PM20D2: variants seen among roughly 807,000 people sequenced by gnomAD.
PM20D2 encodes the protein xaa-Arg dipeptidase.
Under a neutral mutation model 42.9 loss-of-function variants are expected in PM20D2, and 33 were observed. That is an observed-to-expected ratio of 0.77 (90% CI 0.58 to 1.03). The LOEUF (loss-of-function observed/expected upper bound fraction) is 1.03. Among genes scored for constraint, PM20D2 ranks in the 50% least tolerant of loss-of-function variants. The probability of loss-of-function intolerance (pLI) is 0.00; values close to 1 mark genes in which losing one functional copy is unlikely to be tolerated. For synonymous variants in PM20D2, 250 were observed against 228.2 expected, an observed-to-expected ratio of 1.10 and a Z score of -0.86; for missense variants, 548 against 557.0, an observed-to-expected ratio of 0.98 and a Z score of 0.16.
the PM20D2 span, among the ~76,000 whole-genome samples, chr6:89,116,196 C>T: frequency 1.3e-5 from 2 of 152,188 alleles, no homozygotes; most frequent in Non-Finnish European, 2.9e-5. Flanking sequence ...CAGCTTCACT[C>T]GTTTATATTA....
chr6:89,104,986 G>T, the PM20D2 span: 3 of 850,568 alleles, frequency 3.5e-6, no homozygotes, highest in Non-Finnish European at 5.0e-6. Context: ...AGTCTAGGAG[G>T]TCAAGTCTAC....
the PM20D2 span, chr6:89,098,705 A>G: frequency 1.9e-6 from 3 of 1,613,984 alleles, no homozygotes; most frequent in Non-Finnish European, 2.5e-6. Context: ...GGATCTTGCT[A>G]TTGAGTCAGA....
At position 89,162,190 on chromosome 6, in the gene PM20D2, A is replaced by G. The variant is rs762329062; in HGVS notation, c.1238A>G (p.Glu413Gly). 6.2e-7 allele frequency: 1 copy of G among 1,614,104 alleles called. No individual in the cohort carries two copies. Residue 413 changes from glutamate (E) to glycine (G), a missense_variant, in exon 7 of 7, where the codon GAG becomes GGG. Glu to Gly is a moderately conservative substitution (Grantham distance 98, BLOSUM62 -2). This residue lies in a region of PM20D2 where 71 missense variants were observed against 69.7 expected (regional missense o/e 1.02). Transcript: ENST00000275072. Reference sequence around the variant, plus strand: ...GCACTGGATGTTATTTTTAAACCAGAGTTACTGGAAGGAATCAGAGAGGAC... The same window carrying G: ...GCACTGGATGTTATTTTTAAACCAGGGTTACTGGAAGGAATCAGAGAGGAC... ...MTALDVIFKPELLEGIREDFK... is the reference protein window; with the variant it reads ...MTALDVIFKPGLLEGIREDFK...
At chr6:89,143,098 C>CT (rs1212416161), upstream of PM20D2, among the ~76,000 whole-genome samples, 2 of 152,028 alleles carry the variant, frequency 1.3e-5, no homozygotes, top group Admixed American at 6.6e-5. Flanking sequence ...TTTTCAAAAA[C>CT]TTTTTTTTCT....
chr6:89,103,199 C>G, the PM20D2 span, among the ~76,000 whole-genome samples: 2 of 152,124 alleles, frequency 1.3e-5, no homozygotes, highest in African/African-American at 2.4e-5. Flanking sequence ...TGATTTGAGA[C>G]AGTCAAGTAT....
chr6:89,150,952 G>A (rs1459579466), intron 2 of PM20D2, among the ~76,000 whole-genome samples: 5 of 151,392 alleles, frequency 3.3e-5, no homozygotes, highest in African/African-American at 7.3e-5. Context: ...TTAGGAGTTC[G>A]AGACCAGCCT....
chr6:89,124,467 A>AT, the PM20D2 span, among the ~76,000 whole-genome samples: 1 of 152,194 alleles, frequency 6.6e-6, no homozygotes, highest in Non-Finnish European at 1.5e-5. Flanking sequence ...ACATAAAGGT[A>AT]TTTCGGAGTA....
At chr6:89,119,422 G>C in the PM20D2 span, among the ~76,000 whole-genome samples, 1 of 152,216 alleles carries the variant, frequency 6.6e-6, no homozygotes, top group Admixed American at 6.5e-5. Context: ...CAGTGGAACA[G>C]CACGTGCAAA....
the PM20D2 span, among the ~76,000 whole-genome samples, chr6:89,103,991 C>CTTTTTTTTTTTTT: frequency 2.4e-5 from 2 of 81,964 alleles, no homozygotes; most frequent in African/African-American, 9.3e-5. Flanking sequence ...TATTATATTT[C>CTTTTTTTTTTTTT]TTTTTTTTTT....
upstream of PM20D2, among the ~76,000 whole-genome samples, chr6:89,144,720 C>T (rs1770462529): frequency 6.6e-6 from 1 of 152,242 alleles, no homozygotes; most frequent in African/African-American, 2.4e-5. Flanking sequence ...CCAATCCCCC[C>T]TTCTCCCCTT....
At chr6:89,128,777 T>C in the PM20D2 span, among the ~76,000 whole-genome samples, 781 of 152,276 alleles carry the variant, frequency 5.1e-3, 8 homozygotes, top group African/African-American at 0.018. Flanking sequence ...ACTTTCTCTT[T>C]ATTTCTCAGC....
chr6:89,153,839 T>C (rs1554186895), intron 3 of PM20D2, among the ~76,000 whole-genome samples: 1 of 152,154 alleles, frequency 6.6e-6, no homozygotes, highest in Non-Finnish European at 1.5e-5. Flanking sequence ...TGGCCTTAAG[T>C]GATCTGCCCA....
Position 89,162,468 on chromosome 6 carries a change from A to C in PM20D2, c.*205A>C, listed in dbSNP as rs1771278894. On this transcript the variant is annotated 3_prime_UTR_variant, in exon 7 of 7. Transcript: ENST00000275072. The stretch of plus-strand genomic sequence containing the variant: ...CAAATCCGTACTTGATAGGATTATG[A>C]TATTACAGGAGCTGGTATGTGATGC... 4.5e-6 allele frequency: 2 copies of C among 448,014 alleles called. No individual in the cohort carries two copies. The highest frequency in any genetic ancestry group is 7.8e-6 in the Non-Finnish European group (2 of 256,674). 27.8% of individuals were successfully genotyped at this position (448,014 alleles called of 1,614,324 possible). A position where few individuals can be genotyped will look rare whatever the true frequency, so the allele number is the denominator to read the frequency against.
the PM20D2 span, chr6:89,107,037 A>AG: frequency 2.8e-6 from 3 of 1,079,510 alleles, no homozygotes; most frequent in Non-Finnish European, 4.2e-6. Flanking sequence ...TCTGAGATAA[A>AG]GAAATAAACA....
At chr6:89,105,010 C>T in the PM20D2 span, 27 of 1,104,402 alleles carry the variant, frequency 2.4e-5, no homozygotes, top group African/African-American at 2.8e-4. Context: ...GGGCCATGAT[C>T]GCACACTACT....
the PM20D2 span, among the ~76,000 whole-genome samples, chr6:89,125,714 C>T: frequency 3.3e-5 from 5 of 150,546 alleles, no homozygotes; most frequent in African/African-American, 7.3e-5. Context: ...GCCCAGTAGG[C>T]GGACGTTGCA....
At chr6:89,147,892 T>TA (rs200954837) in intron 1 of PM20D2, among the ~76,000 whole-genome samples, 1,716 of 138,236 alleles carry the variant, frequency 0.012, 24 homozygotes, top group Non-Finnish European at 0.016. Flanking sequence ...GGCCTCCTCT[T>TA]AAAAAAAAAA....
chr6:89,098,950 G>A, the PM20D2 span: 1 of 1,608,714 alleles, frequency 6.2e-7, no homozygotes, highest in East Asian at 2.2e-5. Context: ...GTCGAGACCT[G>A]CAAACATCCA....
Position 89,162,090 on chromosome 6 carries a change from T to G in PM20D2, c.1157-19T>G. The G allele has an allele frequency of 6.3e-7, 1 of 1,592,994 alleles. No individual in the cohort carries two copies. Reference sequence around the variant, plus strand: ...AGCTTAAATAAGTAAGGAGGTATTTTATTTTCTCTACCTTTTAGGGTCACA... The same window carrying G: ...AGCTTAAATAAGTAAGGAGGTATTTGATTTTCTCTACCTTTTAGGGTCACA... On this transcript the variant is annotated intron_variant, in intron 6 of 6. Coordinates refer to ENST00000275072, the MANE Select transcript of PM20D2 (RefSeq NM_001010853.3).
Sources: gnomAD v4.1 joint callset for allele counts (sites outside exome capture counted in the v4.1 genomes callset) on GRCh38, gnomAD v4.1.1 for gene constraint, gnomAD v4.1.1 regional missense constraint, MANE v1.5 for transcripts, NCBI Gene and HGNC (gene_info 2026-07-23, HGNC 2026-07-21) for gene names.